The following AQP2 variants were observed in gnomAD, a reference collection of about 807,000 sequenced individuals.
The protein encoded by AQP2 is aquaporin-2.
In AQP2, 20 loss-of-function variants were observed where a neutral mutation model predicts 21.6. The ratio of observed to expected loss-of-function variants is 0.92; its 90% CI spans 0.65 to 1.34. The LOEUF (loss-of-function observed/expected upper bound fraction) is 1.34, where lower values mean the gene tolerates loss of function less well. Ranked by LOEUF, AQP2 falls within the 40% of genes most tolerant of loss-of-function variation. The pLI, the probability that AQP2 is intolerant of heterozygous loss-of-function variation, is 0.00. For missense variants in AQP2, 325 were observed against 363.4 expected, an observed-to-expected ratio of 0.89 and a Z score of 0.86; for synonymous variants, 168 against 166.9, an observed-to-expected ratio of 1.01 and a Z score of -0.05.
chr12:49,956,026 C>T lies in AQP2; in HGVS notation c.*418C>T. On this transcript the variant is annotated 3_prime_UTR_variant, in exon 4 of 4. Coordinates refer to ENST00000199280, the MANE Select transcript of AQP2 (RefSeq NM_000486.6). ...TTTACTAGTGTGCAAGTGTGTTCAT[C>T]CCCAAGTTCTCTTTTGTCCTCACAT... is the stretch of plus-strand genomic sequence containing the variant. 3.1e-6 allele frequency: 1 copy of T among 319,258 alleles called. No homozygotes were observed. The highest frequency in any genetic ancestry group is 6.0e-6 in the Non-Finnish European group (1 of 165,954). 19.8% of individuals were successfully genotyped at this position (319,258 alleles called of 1,614,324 possible).
Position 49,954,493 on chromosome 12 carries a change from C to G in AQP2, c.526-137C>G, listed in dbSNP as rs1000014718. 7 of 1,268,664 alleles carry G rather than the reference C, an allele frequency of 5.5e-6. No individual in the cohort carries two copies. In the Admixed American group the frequency reaches 1.2e-4, roughly 23 times the overall value. 78.6% of individuals were successfully genotyped at this position (1,268,664 alleles called of 1,614,324 possible). A position where few individuals can be genotyped will look rare whatever the true frequency, so the allele number is the denominator to read the frequency against. On this transcript the variant is annotated intron_variant, in intron 2 of 3. Transcript: ENST00000199280. ...AGGGACAGATATCACTCCAGCCCAT[C>G]TGTAAATAAAACGTGATGTTAATTG...
At chr12:49,954,058 A>C in intron 1 of AQP2, 97 bp from the exon 2 acceptor site, 1 of 1,527,964 alleles carries the variant, frequency 6.5e-7, no homozygotes, top group Non-Finnish European at 8.9e-7. Context: ...CCCAGCCCAG[A>C]GGCCCCCTGG....
At chr12:49,954,353 A>C in intron 2 of AQP2, 34 bp downstream of exon 2, 1 of 1,592,540 alleles carries the variant, frequency 6.3e-7, no homozygotes, top group Non-Finnish European at 8.5e-7. Context: ...GCCTCCCTGG[A>C]GGAACAGACA....
rs775144060 is a variant in AQP2 at position 49,955,462 on chromosome 12, T to C, written c.670T>C (p.Phe224Leu). 3.1e-6 allele frequency: 5 copies of C among 1,612,816 alleles called. No individual in the cohort carries two copies. Among genetic ancestry groups the C allele is most frequent in the Admixed American group, 1.7e-5 (1 of 60,028 alleles). The change falls in exon 4 of 4, where the codon TTT becomes CTT. Residue 224 changes from phenylalanine to leucine, a missense_variant. Phe to Leu is a conservative substitution (Grantham distance 22). Coordinates refer to ENST00000199280, the MANE Select transcript of AQP2 (RefSeq NM_000486.6). ...LGSLLYNYVLFPPAKSLSERL... is the reference protein window; with the variant it reads ...LGSLLYNYVLLPPAKSLSERL... ...CTCCCTCCTCTACAACTACGTGCTGTTTCCGCCAGCCAAGAGCCTGTCGGA... is the reference window on the plus strand; with the variant it reads ...CTCCCTCCTCTACAACTACGTGCTGCTTCCGCCAGCCAAGAGCCTGTCGGA...
chr12:49,952,555 G>A (rs1947337745), intron 1 of AQP2, among the ~76,000 whole-genome samples: 1 of 152,178 alleles, frequency 6.6e-6, no homozygotes, highest in Non-Finnish European at 1.5e-5. Flanking sequence ...GACTGAAAAA[G>A]GAACTTCCTG....
At position 49,955,785 on chromosome 12, in the gene AQP2, G is replaced by A; in HGVS notation, c.*177G>A. Reference sequence around the variant, plus strand: ...AGCAGGCGGGGAGGAGGCTGCCGGAGGGAGCCCTGAGCCTGGCAGGTCCCC... The same window carrying A: ...AGCAGGCGGGGAGGAGGCTGCCGGAAGGAGCCCTGAGCCTGGCAGGTCCCC... On this transcript the variant is annotated 3_prime_UTR_variant, in exon 4 of 4. Coordinates refer to ENST00000199280, the MANE Select transcript of AQP2 (RefSeq NM_000486.6). 1.1e-6 allele frequency: 1 copy of A among 893,874 alleles called. No individual in the cohort carries two copies. Among genetic ancestry groups the A allele is most frequent in the Non-Finnish European group, 1.8e-6 (1 of 563,116 alleles). The allele number at this position is 893,874 out of a possible 1,614,324, so 55.4% of individuals were successfully genotyped here.
rs1947348361 is a variant in AQP2 at position 49,954,101 on chromosome 12, C to A, written c.361-54C>A. The A allele has an allele frequency of 2.5e-6, 4 of 1,594,276 alleles. No individual in the cohort carries two copies. In the South Asian group the frequency reaches 4.4e-5, roughly 18 times the overall value. On this transcript the variant is annotated intron_variant, in intron 1 of 3. Transcript: ENST00000199280. Reference sequence around the variant, plus strand: ...ACTGCAGGTGGACAGGAAGATGGAGCCAGAGAGGAAAGTGGGCTCAGTGTT... The same window carrying A: ...ACTGCAGGTGGACAGGAAGATGGAGACAGAGAGGAAAGTGGGCTCAGTGTT...
intron 1 of AQP2, 120 bp from the exon 2 acceptor site, chr12:49,954,035 A>G (rs893544603): frequency 1.4e-6 from 2 of 1,387,132 alleles, no homozygotes; most frequent in Non-Finnish European, 2.0e-6. Context: ...TGGCAAGCCC[A>G]GGTGTTCCGG....
chr12:49,953,938 G>A (rs1947347291), intron 1 of AQP2, among the ~76,000 whole-genome samples: 1 of 152,090 alleles, frequency 6.6e-6, no homozygotes, highest in African/African-American at 2.4e-5. Context: ...ACCTCTGGCG[G>A]GGGGACCATG....
chr12:49,954,556 C>T (rs1220196561), intron 2 of AQP2, 74 bp from the exon 3 acceptor site: 2 of 1,546,522 alleles, frequency 1.3e-6, no homozygotes, highest in Non-Finnish European at 8.9e-7. Flanking sequence ...AGGTCAAGCA[C>T]TGCAGTGCGG....
intron 1 of AQP2, among the ~76,000 whole-genome samples, chr12:49,952,429 T>C (rs1194857466): frequency 6.6e-6 from 1 of 151,856 alleles, no homozygotes; most frequent in South Asian, 2.1e-4. Flanking sequence ...AAGAGGAAAA[T>C]ATGACAAGGC....
At chr12:49,953,488 A>G (rs1947343947) in intron 1 of AQP2, among the ~76,000 whole-genome samples, 1 of 152,096 alleles carries the variant, frequency 6.6e-6, no homozygotes, top group Non-Finnish European at 1.5e-5. Context: ...ATGGGTGTGG[A>G]GGCATTGTCC....
Position 49,956,094 on chromosome 12 carries a change from G to A in AQP2, c.*486G>A, listed in dbSNP as rs1370723079. 3.3e-5 allele frequency: 7 copies of A among 212,034 alleles called. No individual in the cohort carries two copies. Among genetic ancestry groups the A allele is most frequent in the Non-Finnish European group, 4.8e-5 (5 of 103,242 alleles). 13.1% of individuals were successfully genotyped at this position (212,034 alleles called of 1,614,324 possible). ...CCTGAGTGTGAACAGGTTTGCCTAC[G>A]TTGGTGCAAGTGTGCATGGCTGGGG... On this transcript the variant is annotated 3_prime_UTR_variant, in exon 4 of 4. Transcript: ENST00000199280.
Position 49,951,100 on chromosome 12 carries a change from G to T in AQP2, c.270G>T (p.Val90=), listed in dbSNP as rs1947325847. Residue 90 remains valine (V), a synonymous_variant, in exon 1 of 4, where the codon GTG becomes GTT. Transcript: ENST00000199280. ...HVSVLRAAFY[V]AAQLLGAVAG... ...CCGTTCTCCGAGCCGCCTTCTACGT[G>T]GCTGCCCAGCTGCTGGGGGCTGTGG... is the stretch of plus-strand genomic sequence containing the variant. The T allele has an allele frequency of 6.2e-7, 1 of 1,609,174 alleles. No homozygotes were observed.
chr12:49,951,049 G>A lies in AQP2; in HGVS notation c.219G>A (p.Val73=). ...SGAHINPAVT[V]ACLVGCHVSV... Reference sequence around the variant, plus strand: ...CCCACATCAACCCTGCCGTGACTGTGGCCTGCCTGGTGGGCTGCCACGTCT... The same window carrying A: ...CCCACATCAACCCTGCCGTGACTGTAGCCTGCCTGGTGGGCTGCCACGTCT... The change falls in exon 1 of 4, where the codon GTG becomes GTA. Residue 73 remains valine (V), a synonymous_variant. Transcript: ENST00000199280. The A allele has an allele frequency of 6.2e-7, 1 of 1,613,606 alleles. No homozygotes were observed.
intron 1 of AQP2, 68 bp downstream of exon 1, chr12:49,951,258 G>A: frequency 2.6e-6 from 4 of 1,517,140 alleles, no homozygotes; most frequent in South Asian, 2.6e-5. Context: ...AGGATGAGAT[G>A]GGAGGGATGG....
At position 49,954,841 on chromosome 12, in the gene AQP2, G is replaced by A; in HGVS notation, c.606+131G>A. ...CCCTCCACACTCCTCCTGGTCCTGG[G>A]GAGCCTTGGGTTCCACCCCTCAGAT... On this transcript the variant is annotated intron_variant, in intron 3 of 3. Coordinates refer to ENST00000199280, the MANE Select transcript of AQP2 (RefSeq NM_000486.6). 3.8e-5 allele frequency: 41 copies of A among 1,078,182 alleles called. 1 individual carries two copies. The South Asian group carries it at 5.2e-4, about 14-fold the overall frequency. The allele number at this position is 1,078,182 out of a possible 1,614,324, so 66.8% of individuals were successfully genotyped here.
rs761776136 is a variant in AQP2 at position 49,955,387 on chromosome 12, G to T, written c.607-12G>T. The T allele has an allele frequency of 6.3e-5, 101 of 1,610,046 alleles. No homozygotes were observed. Among genetic ancestry groups the T allele is most frequent in the Non-Finnish European group, 8.1e-5 (96 of 1,178,308 alleles). On this transcript the variant is annotated splice_polypyrimidine_tract_variant and intron_variant, in intron 3 of 3. Coordinates refer to ENST00000199280, the MANE Select transcript of AQP2 (RefSeq NM_000486.6). ...GCGCGGGTGCCAAGCCGCCCTCTCC[G>T]CTCGCCCCCAGGTCTTCTGGATCGG... is the stretch of plus-strand genomic sequence containing the variant.
chr12:49,955,240 C>T (rs1016853022), intron 3 of AQP2, among the ~76,000 whole-genome samples, 159 bp from the exon 4 acceptor site: 6 of 152,234 alleles, frequency 3.9e-5, no homozygotes, highest in Non-Finnish European at 8.8e-5. Flanking sequence ...CAAGGCTTCC[C>T]CAGCAGCTGG....
Sources: allele counts gnomAD v4.1 joint callset (sites outside exome capture counted in the v4.1 genomes callset), GRCh38; gene constraint gnomAD v4.1.1; transcripts MANE v1.5; gene names NCBI Gene and HGNC (gene_info 2026-07-23, HGNC 2026-07-21).